OTUD7A: variants seen among roughly 807,000 people sequenced by gnomAD.
OTUD7A encodes OTU domain-containing protein 7A.
Under a neutral mutation model 65.7 loss-of-function variants are expected in OTUD7A, and 12 were observed. The ratio of observed to expected loss-of-function variants is 0.18; its 90% CI spans 0.12 to 0.30. The LOEUF (loss-of-function observed/expected upper bound fraction) is 0.30. OTUD7A is among the 10% of genes least tolerant of loss of function. The pLI, the probability that OTUD7A is intolerant of heterozygous loss-of-function variation, is 1.00. For synonymous variants in OTUD7A, 641 were observed against 586.3 expected, an observed-to-expected ratio of 1.09 and a Z score of -1.35; for missense variants, 1,148 against 1,304.8, an observed-to-expected ratio of 0.88 and a Z score of 1.85.
rs186660430 is a variant in OTUD7A, at chr15:31,834,618, C to T, written c.-100+35889G>A. On this transcript the variant is annotated intron_variant, in intron 1 of 12. Coordinates refer to ENST00000307050, the MANE Select transcript of OTUD7A (RefSeq NM_001382637.1). ...TGGATCTGGTGTCTCAAGGTGTTGA[C>T]AGAGAAGTTCTATTATGTATGTATT... Among the ~76,000 whole-genome samples the T allele has an allele frequency of 8.5e-5, 13 of 152,268 alleles. No individual in the cohort carries two copies. In the East Asian group the frequency reaches 1.9e-3, roughly 23 times the overall value.
At position 31,590,362 on chromosome 15, in the gene OTUD7A, C is replaced by A. The variant is rs181247924; in HGVS notation, c.152-20165G>T. ...TGTCTCATAAGGTATTTCTGTCATTCAGTGATGAATGACTATATATGTGTG... is the reference window on the plus strand; with the variant it reads ...TGTCTCATAAGGTATTTCTGTCATTAAGTGATGAATGACTATATATGTGTG... On this transcript the variant is annotated intron_variant, in intron 3 of 12. Coordinates refer to ENST00000307050, the MANE Select transcript of OTUD7A (RefSeq NM_001382637.1). 2.0e-5 allele frequency among the ~76,000 whole-genome samples: 3 copies of A among 152,206 alleles called. No individual in the cohort carries two copies. The East Asian group carries it at 5.8e-4, about 29-fold the overall frequency.
chr15:31,479,141 G>T lies in OTUD7A; in HGVS notation c.*4153C>A, dbSNP rs2041072815. 6.6e-6 allele frequency: 1 copy of T among 152,246 alleles called. No homozygotes were observed. Among genetic ancestry groups the T allele is most frequent in the Non-Finnish European group, 1.5e-5 (1 of 68,086 alleles). The allele number at this position is 152,246 out of a possible 1,614,324, so 9.4% of individuals were successfully genotyped here. On this transcript the variant is annotated 3_prime_UTR_variant, in exon 13 of 13. Transcript: ENST00000307050. ...TAAGGCGTTTTGGAAGGGGCCACCTGCTCCCTGGCATGCCAGCCACCTCTA... is the reference window on the plus strand; with the variant it reads ...TAAGGCGTTTTGGAAGGGGCCACCTTCTCCCTGGCATGCCAGCCACCTCTA...
At chr15:31,651,722 G>GA (rs1442967309) in intron 3 of OTUD7A, among the ~76,000 whole-genome samples, 2 of 151,944 alleles carry the variant, frequency 1.3e-5, no homozygotes, top group African/African-American at 4.8e-5. Flanking sequence ...TGAACAAGTA[G>GA]AAACTGAAAT....
At chr15:31,530,519 G>C (rs16956850) in intron 6 of OTUD7A, among the ~76,000 whole-genome samples, 188 bp downstream of exon 6, 18,263 of 152,192 alleles carry the variant, frequency 0.12, 1,554 homozygotes, top group African/African-American at 0.24. Context: ...TGTCTCTCCA[G>C]CAAGTGCTAC....
chr15:31,529,673 C>G (rs2042060323), intron 6 of OTUD7A, among the ~76,000 whole-genome samples: 1 of 152,180 alleles, frequency 6.6e-6, no homozygotes, highest in South Asian at 2.1e-4. Flanking sequence ...CTTCAAGACC[C>G]TGATGTATTT....
intron 3 of OTUD7A, among the ~76,000 whole-genome samples, chr15:31,621,595 T>C (rs1364827676): frequency 6.6e-6 from 1 of 152,150 alleles, no homozygotes; most frequent in Non-Finnish European, 1.5e-5. Context: ...CCCCTACCTT[T>C]TTTTTTGTTT....
At chr15:31,840,151 G>A (rs1897148885) in intron 1 of OTUD7A, among the ~76,000 whole-genome samples, 1 of 152,128 alleles carries the variant, frequency 6.6e-6, no homozygotes, top group South Asian at 2.1e-4. Context: ...CAGGCATGGT[G>A]GCTCACACCT....
chr15:31,704,540 C>T (rs1333395251), intron 1 of OTUD7A, among the ~76,000 whole-genome samples: 2 of 150,192 alleles, frequency 1.3e-5, no homozygotes, highest in East Asian at 2.1e-4. Context: ...GCAGTTTAAT[C>T]TGGACAAATC....
intron 4 of OTUD7A, among the ~76,000 whole-genome samples, chr15:31,563,983 C>T (rs993042582): frequency 6.6e-6 from 1 of 152,006 alleles, no homozygotes; most frequent in Non-Finnish European, 1.5e-5. Flanking sequence ...TAAAGAAAGG[C>T]AACAAAGTAC....
intron 1 of OTUD7A, among the ~76,000 whole-genome samples, chr15:31,858,471 G>C (rs555761292): frequency 6.6e-6 from 1 of 152,318 alleles, no homozygotes; most frequent in Admixed American, 6.5e-5. Context: ...AAATGCCCAA[G>C]TGCAGGGGGA....
chr15:31,675,220 A>G (rs7162598), intron 1 of OTUD7A, among the ~76,000 whole-genome samples: 8,629 of 152,214 alleles, frequency 0.057, 827 homozygotes, highest in African/African-American at 0.2. Context: ...AGAGCCTTGG[A>G]GCTGCTGCAG....
intron 3 of OTUD7A, among the ~76,000 whole-genome samples, chr15:31,578,296 T>G (rs1231982635): frequency 6.6e-6 from 1 of 152,174 alleles, no homozygotes; most frequent in Non-Finnish European, 1.5e-5. Flanking sequence ...ACATCCACAT[T>G]TAACATCCAG....
chr15:31,645,995 A>T (rs964158152), intron 3 of OTUD7A, among the ~76,000 whole-genome samples: 1 of 152,252 alleles, frequency 6.6e-6, no homozygotes, highest in Non-Finnish European at 1.5e-5. Flanking sequence ...CTTAATATGC[A>T]GCAGCCTCCT....
chr15:31,487,113 G>T lies in OTUD7A; in HGVS notation c.1371+81C>A. On this transcript the variant is annotated intron_variant, in intron 12 of 12. Coordinates refer to ENST00000307050, the MANE Select transcript of OTUD7A (RefSeq NM_001382637.1). This position sits in a 1 kb window ranked among gnomAD's most constrained non-coding sequence, Gnocchi z 6.0. The stretch of plus-strand genomic sequence containing the variant: ...GGCAGGCAAGAGTGTGGGAGCATTT[G>T]GGAGGATGCACCCTGGTCAGACTGG... 1 of 1,371,456 alleles carries T rather than the reference G, an allele frequency of 7.3e-7. No homozygotes were observed. 85.0% of individuals were successfully genotyped at this position (1,371,456 alleles called of 1,614,324 possible).
In OTUD7A at chr15:31,786,288, T is replaced by C. The variant is rs1422917923; in HGVS notation, c.-100+84219A>G. 2.0e-5 allele frequency among the ~76,000 whole-genome samples: 3 copies of C among 152,222 alleles called. No individual in the cohort carries two copies. In the East Asian group the frequency reaches 5.8e-4, roughly 29 times the overall value. ...CAAACTAATACAGCTGGGCATATGA[T>C]AAGCACTAAATATTAGCTACTATTA... On this transcript the variant is annotated intron_variant, in intron 1 of 12. Coordinates refer to ENST00000307050, the MANE Select transcript of OTUD7A (RefSeq NM_001382637.1).
chr15:31,765,537 A>G (rs1287811202), intron 1 of OTUD7A, among the ~76,000 whole-genome samples: 1 of 152,238 alleles, frequency 6.6e-6, no homozygotes, highest in Non-Finnish European at 1.5e-5. Context: ...GTTAAAAACA[A>G]AAAGTATATG....
chr15:31,535,362 G>A (rs1307020158), intron 5 of OTUD7A, among the ~76,000 whole-genome samples: 1 of 152,024 alleles, frequency 6.6e-6, no homozygotes, highest in African/African-American at 2.4e-5. Flanking sequence ...TTCCCCTTCT[G>A]CCATGATTGT....
intron 3 of OTUD7A, among the ~76,000 whole-genome samples, chr15:31,620,721 C>T (rs1447267259): frequency 1.8e-5 from 2 of 108,610 alleles, no homozygotes; most frequent in Non-Finnish European, 3.4e-5. Flanking sequence ...AAACCAGCTC[C>T]TGGATTCATT....
rs398026753 is a variant in OTUD7A, at chr15:31,564,387, G to GTTTTTTTTTTTTTTTTTTTTT, written c.332-5201_332-5200insAAAAAAAAAAAAAAAAAAAAA. Among the ~76,000 whole-genome samples, 37 of 119,864 alleles carry GTTTTTTTTTTTTTTTTTTTTT rather than the reference G, an allele frequency of 3.1e-4. No homozygotes were observed. In the East Asian group the frequency reaches 3.6e-3, roughly 12 times the overall value. The allele number at this position is 119,864 out of a possible 152,430, so 78.6% of individuals were successfully genotyped here. On this transcript the variant is annotated intron_variant, in intron 4 of 12. Coordinates refer to ENST00000307050, the MANE Select transcript of OTUD7A (RefSeq NM_001382637.1). ...TTTTTGGAAGTAGTCTTTGAGGAAG[G>GTTTTTTTTTTTTTTTTTTTTT]TTTTTTTTTTTTTAGCAAAAGAGAA...
Sources: allele counts gnomAD v4.1 joint callset (sites outside exome capture counted in the v4.1 genomes callset), GRCh38; gene constraint gnomAD v4.1.1; non-coding constraint Gnocchi (gnomAD v3.1); transcripts MANE v1.5; gene names NCBI Gene and HGNC (gene_info 2026-07-23, HGNC 2026-07-21).